PPFIA2: variants seen among roughly 807,000 people sequenced by gnomAD.
The protein encoded by PPFIA2 is PPFI scaffold protein A2, also known as liprin-alpha-2.
PPFIA2 carries 46 observed loss-of-function variants against 175.5 expected under a neutral mutation model. That is an observed-to-expected ratio of 0.26 (90% CI 0.21 to 0.34). The LOEUF (loss-of-function observed/expected upper bound fraction) is 0.34, where lower values mean the gene tolerates loss of function less well. Among genes scored for constraint, PPFIA2 ranks in the 10% least tolerant of loss-of-function variants. The pLI is 1.00. For synonymous variants in PPFIA2, 568 were observed against 511.4 expected, an observed-to-expected ratio of 1.11 and a Z score of -1.49; for missense variants, 1,179 against 1,506.1, an observed-to-expected ratio of 0.78 and a Z score of 3.60.
intron 24 of PPFIA2, chr12:81,292,460 T>C (rs1384894243): frequency 6.6e-6 from 1 of 152,078 alleles, no homozygotes. Context: ...CTCCTCAGCG[T>C]ACTTTCAACA....
At chr12:81,598,573 T>C (rs767943424) in intron 4 of PPFIA2, among the ~76,000 whole-genome samples, 20 of 152,094 alleles carry the variant, frequency 1.3e-4, no homozygotes, top group Non-Finnish European at 2.5e-4. Context: ...CTTATTTCTG[T>C]ATCTTTCTAA....
At position 81,259,349 on chromosome 12, in the gene PPFIA2, C is replaced by T. The variant is rs937482297; in HGVS notation, c.*345G>A. On this transcript the variant is annotated 3_prime_UTR_variant, in exon 33 of 33. Coordinates refer to ENST00000549396, the MANE Select transcript of PPFIA2 (RefSeq NM_003625.5). ...ACTTACACATTTAAAAAGAAATGCA[C>T]GGTAATACATAAATGCCTAGTATAT... 5.1e-5 allele frequency: 27 copies of T among 529,010 alleles called. No homozygotes were observed. The highest frequency in any genetic ancestry group is 3.7e-4 in the Admixed American group (13 of 34,938). 32.8% of individuals were successfully genotyped at this position (529,010 alleles called of 1,614,324 possible).
intron 4 of PPFIA2, among the ~76,000 whole-genome samples, chr12:81,642,733 A>G (rs1156967071): frequency 7.4e-4 from 6 of 8,120 alleles, no homozygotes; most frequent in South Asian, 4.4e-3. Context: ...ACATACATGT[A>G]TATGTATGTA....
intron 20 of PPFIA2, 74 bp downstream of exon 20, chr12:81,341,004 T>A (rs2057949022): frequency 7.0e-7 from 1 of 1,427,552 alleles, no homozygotes; most frequent in Non-Finnish European, 9.6e-7. Flanking sequence ...AGCAGTCTAT[T>A]CGACAACAAC....
chr12:81,738,414 T>A (rs1312989858), intron 3 of PPFIA2, among the ~76,000 whole-genome samples: 5 of 151,826 alleles, frequency 3.3e-5, no homozygotes, highest in Non-Finnish European at 5.9e-5. Flanking sequence ...CCAGAAAGAA[T>A]GAGATCCAGA....
Position 81,347,786 on chromosome 12 carries a change from T to C in PPFIA2, c.1995-16A>G, listed in dbSNP as rs777162361. The C allele has an allele frequency of 6.2e-7, 1 of 1,612,064 alleles. No individual in the cohort carries two copies. Among genetic ancestry groups the C allele is most frequent in the Admixed American group, 1.7e-5 (1 of 59,344 alleles). On this transcript the variant is annotated splice_polypyrimidine_tract_variant and intron_variant, in intron 17 of 32. Coordinates refer to ENST00000549396, the MANE Select transcript of PPFIA2 (RefSeq NM_003625.5). ...CTGAATTAGCCTGAAAGATACAGTT[T>C]AATTATGATCCATATATAATTTAAT...
At chr12:81,571,010 T>C (rs1401216720) in intron 4 of PPFIA2, among the ~76,000 whole-genome samples, 1 of 152,016 alleles carries the variant, frequency 6.6e-6, no homozygotes, top group Non-Finnish European at 1.5e-5. Flanking sequence ...ATCTAGAATA[T>C]TTATTCTATT....
At position 81,686,312 on chromosome 12, in the gene PPFIA2, G is replaced by A. The variant is rs11114979; in HGVS notation, c.250-9468C>T. Among the ~76,000 whole-genome samples the A allele has an allele frequency of 6.8e-3, 1,028 of 152,082 alleles. 9 individuals carry two copies. Among genetic ancestry groups the A allele is most frequent in the African/African-American group, 0.024 (980 of 41,520 alleles). On this transcript the variant is annotated intron_variant, in intron 3 of 32. Transcript: ENST00000549396. The stretch of plus-strand genomic sequence containing the variant: ...AAAAAGTAAAATTCCCAAAATCTTG[G>A]CTATATATTTCTAATTTCAAAGTCT...
chr12:81,642,708 A>ATATAATATATACATACATGTACG (rs1555549387), intron 4 of PPFIA2, among the ~76,000 whole-genome samples: 1 of 95,768 alleles, frequency 1.0e-5, no homozygotes, highest in Non-Finnish European at 2.4e-5. Flanking sequence ...ATGTATATGT[A>ATATAATATATACATACATGTACG]TGTATGTATT....
chr12:81,548,099 C>T (rs978974922), intron 4 of PPFIA2, among the ~76,000 whole-genome samples: 1 of 152,032 alleles, frequency 6.6e-6, no homozygotes, highest in African/African-American at 2.4e-5. Flanking sequence ...AATTTCCAAG[C>T]CAAAACTTAG....
At chr12:81,530,523 A>C (rs2064360180) in intron 4 of PPFIA2, among the ~76,000 whole-genome samples, 1 of 152,016 alleles carries the variant, frequency 6.6e-6, no homozygotes, top group Middle Eastern at 3.4e-3. Flanking sequence ...CAGTAGAGCA[A>C]CTTTTAAAAA....
At chr12:81,671,497 G>T (rs1596261797) in intron 4 of PPFIA2, among the ~76,000 whole-genome samples, 2 of 151,832 alleles carry the variant, frequency 1.3e-5, no homozygotes, top group South Asian at 4.1e-4. Flanking sequence ...AAGAAAGACT[G>T]CAAGTCTTTT....
chr12:81,527,366 T>C (rs2063848840), intron 4 of PPFIA2, among the ~76,000 whole-genome samples: 1 of 133,042 alleles, frequency 7.5e-6, no homozygotes, highest in Non-Finnish European at 1.6e-5. Context: ...CCCGGGGAGC[T>C]CCATTTTATG....
intron 30 of PPFIA2, among the ~76,000 whole-genome samples, chr12:81,264,227 G>A (rs2036529749): frequency 6.6e-6 from 1 of 152,152 alleles, no homozygotes; most frequent in Admixed American, 6.5e-5. Flanking sequence ...ATTTTAGAAT[G>A]TAGCATAGCA....
At chr12:81,379,751 T>G (rs748093163) in intron 9 of PPFIA2, among the ~76,000 whole-genome samples, 2 of 152,148 alleles carry the variant, frequency 1.3e-5, no homozygotes, top group Non-Finnish European at 2.9e-5. Context: ...AAAATGAAAT[T>G]AAATTTTGGA....
At chr12:81,331,073 C>T (rs778873836) in intron 21 of PPFIA2, among the ~76,000 whole-genome samples, 30 of 152,220 alleles carry the variant, frequency 2.0e-4, no homozygotes, top group East Asian at 7.7e-4. Flanking sequence ...GCGTAAAGGC[C>T]GACACAGACA....
intron 4 of PPFIA2, among the ~76,000 whole-genome samples, chr12:81,518,701 ATATC>A (rs961702670): frequency 6.6e-6 from 1 of 152,142 alleles, no homozygotes; most frequent in African/African-American, 2.4e-5. Context: ...ATTTTTTATA[ATATC>A]TATCTATCTA....
chr12:81,742,814 A>G (rs2082490652), intron 3 of PPFIA2, among the ~76,000 whole-genome samples: 2 of 152,174 alleles, frequency 1.3e-5, no homozygotes, highest in Non-Finnish European at 1.5e-5. Flanking sequence ...GTGGCCAAAA[A>G]CAAAGGAGGA....
At chr12:81,552,438 T>C (rs544173660) in intron 4 of PPFIA2, among the ~76,000 whole-genome samples, 30 of 152,058 alleles carry the variant, frequency 2.0e-4, no homozygotes, top group African/African-American at 6.5e-4. Flanking sequence ...TAAATATAGA[T>C]GCAACTAAAT....
Sources: gnomAD v4.1 joint callset for allele counts (sites outside exome capture counted in the v4.1 genomes callset) on GRCh38, gnomAD v4.1.1 for gene constraint, MANE v1.5 for transcripts, NCBI Gene and HGNC (gene_info 2026-07-23, HGNC 2026-07-21) for gene names.